The following RANBP2 variants were observed in gnomAD, a reference collection of about 807,000 sequenced individuals.
RANBP2 encodes E3 SUMO-protein ligase RanBP2.
In RANBP2, 57 loss-of-function variants were observed where a neutral mutation model predicts 303.6. The observed-to-expected ratio is 0.19, with a 90% CI of 0.15 to 0.23. The LOEUF (loss-of-function observed/expected upper bound fraction) is 0.23, where lower values mean the gene tolerates loss of function less well. Among genes scored for constraint, RANBP2 ranks in the 10% least tolerant of loss-of-function variants. RANBP2 has a pLI of 1.00. For missense variants in RANBP2, 3,138 were observed against 3,780.8 expected (o/e 0.83, Z 4.46); for synonymous variants, 1,167 against 1,301.5 (o/e 0.90, Z 2.23).
chr2:109,254,808 A>G, the RANBP2 span, among the ~76,000 whole-genome samples: 1 of 151,924 alleles, frequency 6.6e-6, no homozygotes, highest in Non-Finnish European at 1.5e-5. Context: ...ACAGATGGGT[A>G]CTTCTAGGCT....
the RANBP2 span, chr2:109,613,256 C>A: frequency 8.9e-7 from 1 of 1,121,390 alleles, no homozygotes; most frequent in African/African-American, 1.6e-5. Flanking sequence ...AGTGAACAAA[C>A]GCGTTCTTTT....
At chr2:108,739,674 A>T (rs960253318) in intron 6 of RANBP2, among the ~76,000 whole-genome samples, 1 of 152,164 alleles carries the variant, frequency 6.6e-6, no homozygotes, top group Non-Finnish European at 1.5e-5. Context: ...ATTTAGAAGA[A>T]CTAATTTAGA....
the RANBP2 span, among the ~76,000 whole-genome samples, chr2:109,680,951 C>T: frequency 3.3e-5 from 5 of 152,158 alleles, no homozygotes; most frequent in African/African-American, 1.2e-4. Flanking sequence ...CACACTGTGA[C>T]CCAGCAATTC....
chr2:109,474,500 C>T, the RANBP2 span, among the ~76,000 whole-genome samples: 1 of 152,174 alleles, frequency 6.6e-6, no homozygotes, highest in African/African-American at 2.4e-5. Flanking sequence ...GGACAGGCGG[C>T]AGCAGTGGGA....
At chr2:109,420,736 C>T in the RANBP2 span, among the ~76,000 whole-genome samples, 11 of 152,248 alleles carry the variant, frequency 7.2e-5, no homozygotes, top group East Asian at 3.9e-4. Context: ...TGAGCCACCG[C>T]GCCCGGCCAA....
At chr2:108,937,105 G>A in the RANBP2 span, among the ~76,000 whole-genome samples, 1 of 152,268 alleles carries the variant, frequency 6.6e-6, no homozygotes, top group Non-Finnish European at 1.5e-5. Flanking sequence ...CTGGAGTGGA[G>A]GGTGACGCTG....
At chr2:108,809,493 T>C in the RANBP2 span, among the ~76,000 whole-genome samples, 1 of 150,736 alleles carries the variant, frequency 6.6e-6, no homozygotes, top group Non-Finnish European at 1.5e-5. Context: ...TGTGTGATCT[T>C]CAGTTTCATT....
the RANBP2 span, among the ~76,000 whole-genome samples, chr2:109,103,143 G>A: frequency 3.3e-5 from 5 of 152,200 alleles, no homozygotes; most frequent in South Asian, 8.3e-4. Context: ...CCCCTGGTGG[G>A]AGGAAAAAAC....
chr2:109,620,176 T>C, the RANBP2 span, among the ~76,000 whole-genome samples: 2 of 152,198 alleles, frequency 1.3e-5, no homozygotes, highest in Non-Finnish European at 2.9e-5. Context: ...GGTCTTTTAA[T>C]GGAAAACATT....
chr2:109,684,402 G>A, the RANBP2 span, among the ~76,000 whole-genome samples: 8 of 151,694 alleles, frequency 5.3e-5, no homozygotes, highest in South Asian at 2.1e-4. Context: ...CACCACGGCC[G>A]GCTAATTTTT....
chr2:109,144,182 A>G, the RANBP2 span, among the ~76,000 whole-genome samples: 1 of 152,262 alleles, frequency 6.6e-6, no homozygotes, highest in Non-Finnish European at 1.5e-5. Flanking sequence ...TGCTAAAAGA[A>G]TAGATTTTAA....
the RANBP2 span, among the ~76,000 whole-genome samples, chr2:109,492,077 T>G: frequency 6.6e-6 from 1 of 152,184 alleles, no homozygotes; most frequent in Non-Finnish European, 1.5e-5. Flanking sequence ...GTGTCTGTGG[T>G]GACCACGTCC....
the RANBP2 span, among the ~76,000 whole-genome samples, chr2:109,097,146 CT>C: frequency 1.3e-4 from 20 of 152,046 alleles, no homozygotes; most frequent in Non-Finnish European, 2.6e-4. Flanking sequence ...TCTACTAAAA[CT>C]ACAAAAATTA....
At chr2:108,852,786 T>G in the RANBP2 span, among the ~76,000 whole-genome samples, 1 of 152,102 alleles carries the variant, frequency 6.6e-6, no homozygotes, top group African/African-American at 2.4e-5. Context: ...GAAAAATAAC[T>G]AATGGGTACT....
At chr2:109,206,940 T>C in the RANBP2 span, among the ~76,000 whole-genome samples, 2 of 152,232 alleles carry the variant, frequency 1.3e-5, no homozygotes, top group South Asian at 2.1e-4. Flanking sequence ...CTCTGTGTCA[T>C]GTGTGGCTTG....
At chr2:109,225,534 T>C in the RANBP2 span, among the ~76,000 whole-genome samples, 1 of 152,248 alleles carries the variant, frequency 6.6e-6, no homozygotes, top group South Asian at 2.1e-4. Context: ...ATGTGGAGTT[T>C]TCTCCTGAGA....
intron 2 of RANBP2, 145 bp from the exon 3 acceptor site, chr2:108,730,629 T>G: frequency 1.7e-6 from 2 of 1,153,478 alleles, no homozygotes; most frequent in African/African-American, 1.6e-5. Context: ...TGAGTACTTC[T>G]GAGTTATCTG....
At chr2:109,666,057 G>C in the RANBP2 span, among the ~76,000 whole-genome samples, 1 of 151,198 alleles carries the variant, frequency 6.6e-6, no homozygotes, top group South Asian at 2.1e-4. Flanking sequence ...GTTGCAGTGA[G>C]CCAAGATCAT....
At position 108,766,127 on chromosome 2, in the gene RANBP2, A is replaced by G; in HGVS notation, c.5588A>G (p.His1863Arg). ...GNTEQGFKFGHVDQENSPSFM... is the reference protein window; with the variant it reads ...GNTEQGFKFGRVDQENSPSFM... ...ACAGAGCAAGGATTCAAATTTGGGC[A>G]TGTGGATCAAGAAAATTCACCTTCA... The change falls in exon 20 of 29, where the codon CAT (histidine) becomes CGT (arginine). Residue 1863 changes from histidine (H) to arginine (R), a missense_variant. By Grantham distance (29) the His-to-Arg change is conservative (BLOSUM62 0). Transcript: ENST00000283195. 1 of 1,613,828 alleles carries G rather than the reference A, an allele frequency of 6.2e-7. No homozygotes were observed. The highest frequency in any genetic ancestry group is 8.5e-7 in the Non-Finnish European group (1 of 1,179,994).
Sources: gnomAD v4.1 joint callset for allele counts (sites outside exome capture counted in the v4.1 genomes callset) on GRCh38, gnomAD v4.1.1 for gene constraint, MANE v1.5 for transcripts, NCBI Gene and HGNC (gene_info 2026-07-23, HGNC 2026-07-21) for gene names.